Variants in HDAC9 observed in about 807,000 individuals in gnomAD.
HDAC9 encodes histone deacetylase 9.
Under a neutral mutation model 139.4 loss-of-function variants are expected in HDAC9, and 41 were observed. The observed-to-expected ratio is 0.29, with a 90% CI of 0.23 to 0.38. The LOEUF (loss-of-function observed/expected upper bound fraction) is 0.38. HDAC9 is among the 10% of genes least tolerant of loss of function. HDAC9 has a pLI of 1.00. For missense variants in HDAC9, 1,147 were observed against 1,297.0 expected, an observed-to-expected ratio of 0.88 and a Z score of 1.78; for synonymous variants, 517 against 476.2, an observed-to-expected ratio of 1.09 and a Z score of -1.12.
At chr7:18,937,186 T>C (rs903235677) in intron 23 of HDAC9, among the ~76,000 whole-genome samples, 2 of 151,988 alleles carry the variant, frequency 1.3e-5, no homozygotes, top group Middle Eastern at 3.4e-3. Context: ...ATTACAGGTG[T>C]GCACCATCAC....
intron 1 of HDAC9, among the ~76,000 whole-genome samples, chr7:18,339,499 A>G (rs1011380455): frequency 4.6e-5 from 7 of 151,496 alleles, no homozygotes; most frequent in African/African-American, 1.7e-4. Context: ...AAATTAAAAA[A>G]GAATGTACTA....
intron 1 of HDAC9, among the ~76,000 whole-genome samples, chr7:18,368,277 G>C (rs1463474372): frequency 6.6e-6 from 1 of 151,966 alleles, no homozygotes. Context: ...AGATGAAAGT[G>C]ATCTATCACT....
chr7:18,350,937 C>T (rs1003078351), intron 1 of HDAC9, among the ~76,000 whole-genome samples: 1 of 152,084 alleles, frequency 6.6e-6, no homozygotes, highest in African/African-American at 2.4e-5. Flanking sequence ...GCTGGTCGAC[C>T]CGTGCTTGGT....
Position 18,442,587 on chromosome 7 carries a change from G to A in HDAC9, c.-41-53675G>A, listed in dbSNP as rs367573314. Among the ~76,000 whole-genome samples, 293 of 152,266 alleles carry A rather than the reference G, an allele frequency of 1.9e-3. 2 individuals are homozygous for A. The highest frequency in any genetic ancestry group is 5.7e-3 in the African/African-American group (238 of 41,546). ...CTTAGCCTGCATTGGATCCTCCATT[G>A]TCTGAAATACTGTACTACAGTTGTC... On this transcript the variant is annotated intron_variant, in intron 1 of 3. Coordinates refer to the HDAC9 transcript ENST00000413509.
chr7:18,614,716 A>G (rs1584138113), intron 6 of HDAC9, among the ~76,000 whole-genome samples: 1 of 152,158 alleles, frequency 6.6e-6, no homozygotes, highest in African/African-American at 2.4e-5. Context: ...TACCCATCAT[A>G]AGTACAACAT....
chr7:18,470,629 C>G (rs1156919357), intron 1 of HDAC9, among the ~76,000 whole-genome samples: 2 of 152,092 alleles, frequency 1.3e-5, no homozygotes, highest in East Asian at 3.9e-4. Flanking sequence ...GCCTCTGCTA[C>G]AAGGATTTCT....
intron 22 of HDAC9, among the ~76,000 whole-genome samples, chr7:18,900,625 G>A (rs986662466): frequency 1.3e-5 from 2 of 152,286 alleles, no homozygotes; most frequent in East Asian, 3.9e-4. Flanking sequence ...TGGACCCCTT[G>A]ATAGTCTAGC....
chr7:18,197,813 AT>A (rs1288267955), intron 2 of HDAC9, among the ~76,000 whole-genome samples: 1 of 151,968 alleles, frequency 6.6e-6, no homozygotes, highest in East Asian at 1.9e-4. Flanking sequence ...TTTTTTCTTC[AT>A]TTTCCACTTG....
At chr7:18,918,311 T>C (rs559961970) in intron 22 of HDAC9, among the ~76,000 whole-genome samples, 336 of 147,724 alleles carry the variant, frequency 2.3e-3, no homozygotes, top group Non-Finnish European at 4.0e-3. Flanking sequence ...TGGAAGGAGG[T>C]AGAGGAGCTG....
intron 24 of HDAC9, among the ~76,000 whole-genome samples, chr7:18,966,695 C>T (rs573506597): frequency 8.9e-5 from 13 of 146,342 alleles, no homozygotes; most frequent in Middle Eastern, 3.5e-3. Flanking sequence ...AGCGAGACTC[C>T]GACTCAAAAA....
intron 1 of HDAC9, among the ~76,000 whole-genome samples, chr7:18,466,838 A>G (rs1401253856): frequency 1.3e-5 from 2 of 152,176 alleles, no homozygotes; most frequent in Non-Finnish European, 2.9e-5. Flanking sequence ...CATGCACTGA[A>G]TGCTCCTTCT....
chr7:18,371,142 G>A (rs1373468683), intron 1 of HDAC9, among the ~76,000 whole-genome samples: 1 of 152,078 alleles, frequency 6.6e-6, no homozygotes, highest in Non-Finnish European at 1.5e-5. Flanking sequence ...CAGAATCTTG[G>A]CATGAAATTT....
chr7:18,923,413 C>T (rs193083948), intron 22 of HDAC9, among the ~76,000 whole-genome samples: 365 of 152,088 alleles, frequency 2.4e-3, no homozygotes, highest in African/African-American at 8.5e-3. Flanking sequence ...ATGTCCATGA[C>T]CTCTCAGTTT....
intron 22 of HDAC9, among the ~76,000 whole-genome samples, chr7:18,884,348 A>G (rs1563020502): frequency 6.6e-6 from 1 of 152,232 alleles, no homozygotes; most frequent in Non-Finnish European, 1.5e-5. Flanking sequence ...ATAAAAACAG[A>G]CACATAGACC....
intron 1 of HDAC9, among the ~76,000 whole-genome samples, chr7:18,088,804 C>A (rs534440877): frequency 1.3e-5 from 2 of 152,280 alleles, no homozygotes; most frequent in South Asian, 4.1e-4. Context: ...TACTGATGTT[C>A]CTTCTGGAAA....
At chr7:18,204,900 T>G (rs2731554) in intron 2 of HDAC9, among the ~76,000 whole-genome samples, 2 of 151,764 alleles carry the variant, frequency 1.3e-5, no homozygotes, top group Non-Finnish European at 2.9e-5. Flanking sequence ...GTAAAAGTTA[T>G]ATTATTTTGT....
At chr7:18,137,695 G>C (rs1785534334) in intron 1 of HDAC9, among the ~76,000 whole-genome samples, 1 of 151,722 alleles carries the variant, frequency 6.6e-6, no homozygotes, top group Non-Finnish European at 1.5e-5. Flanking sequence ...TGTGCTGCTG[G>C]ATTCGTTTTG....
chr7:18,485,062 G>T (rs1192052055), intron 1 of HDAC9, among the ~76,000 whole-genome samples: 1 of 152,114 alleles, frequency 6.6e-6, no homozygotes, highest in Non-Finnish European at 1.5e-5. Flanking sequence ...ACTAATGTTA[G>T]CTGATTGATT....
intron 17 of HDAC9, among the ~76,000 whole-genome samples, chr7:18,802,378 G>A (rs1041653978): frequency 1.3e-5 from 2 of 151,768 alleles, no homozygotes; most frequent in Non-Finnish European, 2.9e-5. Flanking sequence ...AATTTGATCT[G>A]TATCATACTA....
Sources: allele counts gnomAD v4.1 joint callset (sites outside exome capture counted in the v4.1 genomes callset), GRCh38; gene constraint gnomAD v4.1.1; transcripts MANE v1.5; gene names NCBI Gene and HGNC (gene_info 2026-07-23, HGNC 2026-07-21).